PDE10A: variants seen among roughly 807,000 people sequenced by gnomAD.
PDE10A encodes the protein phosphodiesterase 10A.
PDE10A carries 39 observed loss-of-function variants against 97.7 expected under a neutral mutation model. The ratio of observed to expected loss-of-function variants is 0.40; its 90% CI spans 0.31 to 0.52. The LOEUF is 0.52. Among genes scored for constraint, PDE10A ranks in the 20% least tolerant of loss-of-function variants. The pLI is 0.56. For missense variants in PDE10A, 731 were observed against 1,047.8 expected, an observed-to-expected ratio of 0.70 and a Z score of 4.17; for synonymous variants, 371 against 376.8, an observed-to-expected ratio of 0.98 and a Z score of 0.18.
intron 1 of PDE10A, among the ~76,000 whole-genome samples, chr6:165,680,283 G>A (rs1291395242): frequency 1.3e-5 from 2 of 152,142 alleles, no homozygotes. Context: ...TATGTTGCAG[G>A]TTCTATAATT....
chr6:165,572,801 C>T (rs1761025883), intron 1 of PDE10A, among the ~76,000 whole-genome samples: 1 of 152,156 alleles, frequency 6.6e-6, no homozygotes, highest in South Asian at 2.1e-4. Flanking sequence ...CGTGCCACTG[C>T]ACTCCAGCGT....
chr6:165,416,424 A>T (rs1788318062), intron 11 of PDE10A, 143 bp from the exon 12 acceptor site: 2 of 643,504 alleles, frequency 3.1e-6, no homozygotes, highest in Non-Finnish European at 5.5e-6. Flanking sequence ...ACATATTCTA[A>T]ATCACCTTAT....
intron 18 of PDE10A, among the ~76,000 whole-genome samples, chr6:165,354,865 C>A (rs974170803): frequency 6.6e-6 from 1 of 152,208 alleles, no homozygotes; most frequent in African/African-American, 2.4e-5. Flanking sequence ...TCTACACAGT[C>A]CATCTCATAT....
Position 165,435,233 on chromosome 6 carries a change from T to C in PDE10A, c.1335+4A>G. 2 of 1,608,340 alleles carry C rather than the reference T, an allele frequency of 1.2e-6. No homozygotes were observed. Among genetic ancestry groups the C allele is most frequent in the Non-Finnish European group, 1.7e-6 (2 of 1,177,976 alleles). ...GTGTCACAAAGAATCAAAAAGCCAC[T>C]TACTCCAAGGATGTCTTCTACTAGC... On this transcript the variant is annotated splice_donor_region_variant and intron_variant, in intron 6 of 21. Coordinates refer to ENST00000539869, the MANE Select transcript of PDE10A (RefSeq NM_001385079.1).
rs561285169 is a variant in PDE10A, at chr6:165,655,455, C to T, written c.865+6492G>A. 6.6e-6 allele frequency among the ~76,000 whole-genome samples: 1 copy of T among 152,246 alleles called. No individual in the cohort carries two copies. The highest frequency in any genetic ancestry group is 1.5e-5 in the Non-Finnish European group (1 of 68,024). On this transcript the variant is annotated intron_variant, in intron 1 of 21. Transcript: ENST00000539869. The surrounding 1 kb of genome is among the most constrained non-coding windows in gnomAD (Gnocchi z 4.5). Reference sequence around the variant, plus strand: ...TTTACCCAATCTTTCCAGCCAAAAACCCAGGCATGGATTCTTGATTCCTCT... The same window carrying T: ...TTTACCCAATCTTTCCAGCCAAAAATCCAGGCATGGATTCTTGATTCCTCT...
chr6:165,336,037 C>T (rs557126313), intron 21 of PDE10A, 86 bp downstream of exon 21: 12 of 1,041,448 alleles, frequency 1.2e-5, no homozygotes, highest in Middle Eastern at 4.0e-4. Context: ...ACACAGACCA[C>T]AACACACTAG....
At chr6:165,854,085 G>A (rs1402869710) in intron 1 of PDE10A, among the ~76,000 whole-genome samples, 2 of 152,208 alleles carry the variant, frequency 1.3e-5, no homozygotes, top group Non-Finnish European at 1.5e-5. Flanking sequence ...GGGGTCCTAG[G>A]GAAGAGCCCA....
chr6:165,643,393 C>T (rs868588127), intron 1 of PDE10A, among the ~76,000 whole-genome samples: 35 of 152,178 alleles, frequency 2.3e-4, no homozygotes, highest in African/African-American at 8.4e-4. Context: ...TTCACAGATG[C>T]TCTCCTTAGT....
rs149070992 is a variant in PDE10A, at chr6:165,726,199, C to T, written c.-614-182631G>A. ...GGAGCAAGAGCTGATCCCACCAGAA[C>T]GTTGTTTTGTGCAACAACGTCCCAG... is the stretch of plus-strand genomic sequence containing the variant. On this transcript the variant is annotated intron_variant, in intron 1 of 19. Coordinates refer to the PDE10A transcript ENST00000366882. Among the ~76,000 whole-genome samples, 619 of 152,248 alleles carry T rather than the reference C, an allele frequency of 4.1e-3. 5 individuals carry two copies. The highest frequency in any genetic ancestry group is 0.014 in the African/African-American group (589 of 41,532).
At chr6:165,763,586 G>T (rs892665172) in intron 1 of PDE10A, among the ~76,000 whole-genome samples, 2 of 152,184 alleles carry the variant, frequency 1.3e-5, no homozygotes, top group Non-Finnish European at 2.9e-5. Flanking sequence ...GCCTCCCAAA[G>T]TGCTAGGATT....
chr6:165,596,066 G>A (rs542522916), intron 1 of PDE10A, among the ~76,000 whole-genome samples: 1 of 152,094 alleles, frequency 6.6e-6, no homozygotes, highest in Non-Finnish European at 1.5e-5. Context: ...TCATCACAAA[G>A]GAGAAACGAT....
intron 13 of PDE10A, chr6:165,409,624 C>G (rs1319954714): frequency 6.2e-6 from 1 of 160,428 alleles, no homozygotes; most frequent in Non-Finnish European, 1.3e-5. Flanking sequence ...TAAGCAGGGT[C>G]GGGCCTGGTT....
At chr6:165,405,735 T>C (rs1275698063) in intron 13 of PDE10A, among the ~76,000 whole-genome samples, 1 of 152,164 alleles carries the variant, frequency 6.6e-6, no homozygotes, top group African/African-American at 2.4e-5. Context: ...TTTTGAATCC[T>C]ACTACACACA....
intron 1 of PDE10A, among the ~76,000 whole-genome samples, chr6:165,724,372 A>G (rs901620750): frequency 4.6e-5 from 7 of 152,150 alleles, no homozygotes; most frequent in Non-Finnish European, 1.0e-4. Flanking sequence ...CGTGTTGAGA[A>G]AATTAGGAGA....
At chr6:165,889,262 C>T (rs1484474052) in intron 1 of PDE10A, among the ~76,000 whole-genome samples, 1 of 152,140 alleles carries the variant, frequency 6.6e-6, no homozygotes, top group Non-Finnish European at 1.5e-5. Context: ...GGAATATGGA[C>T]CACAGGTGCC....
intron 1 of PDE10A, among the ~76,000 whole-genome samples, chr6:165,734,256 G>A (rs1415127835): frequency 6.6e-6 from 1 of 152,158 alleles, no homozygotes; most frequent in Non-Finnish European, 1.5e-5. Flanking sequence ...CACTGGGTGG[G>A]CTTCGGGGAG....
At chr6:165,526,545 G>C (rs544549245) in intron 2 of PDE10A, among the ~76,000 whole-genome samples, 11 of 152,270 alleles carry the variant, frequency 7.2e-5, no homozygotes, top group Admixed American at 3.3e-4. Flanking sequence ...AGAGATTAGT[G>C]CCACCATCAA....
chr6:165,830,512 C>A (rs144399675), intron 1 of PDE10A, among the ~76,000 whole-genome samples: 31 of 151,998 alleles, frequency 2.0e-4, no homozygotes, highest in African/African-American at 6.8e-4. Flanking sequence ...TTTAGATTAC[C>A]GGTTTGCCGC....
chr6:165,749,289 A>C (rs1192515885), intron 1 of PDE10A, among the ~76,000 whole-genome samples: 1 of 63,802 alleles, frequency 1.6e-5, no homozygotes, highest in Admixed American at 1.5e-4. Context: ...TACCATCATC[A>C]CCATCACCAT....
Sources: allele counts gnomAD v4.1 joint callset (sites outside exome capture counted in the v4.1 genomes callset), GRCh38; gene constraint gnomAD v4.1.1; non-coding constraint Gnocchi (gnomAD v3.1); transcripts MANE v1.5; gene names NCBI Gene and HGNC (gene_info 2026-07-23, HGNC 2026-07-21).